Variants in HEPHL1 observed in about 807,000 individuals in gnomAD.
HEPHL1 encodes the protein ferroxidase HEPHL1.
Under a neutral mutation model 122.0 loss-of-function variants are expected in HEPHL1, and 123 were observed. The observed-to-expected ratio is 1.01, with a 90% CI of 0.87 to 1.17. HEPHL1 has a LOEUF of 1.17. Among genes scored for constraint, HEPHL1 ranks in the 50% most tolerant of loss-of-function variants. The probability of loss-of-function intolerance (pLI) is 0.00; values close to 1 mark genes in which losing one functional copy is unlikely to be tolerated. For synonymous variants in HEPHL1, 527 were observed against 508.9 expected (o/e 1.04, Z -0.48); for missense variants, 1,452 against 1,430.5 (o/e 1.01, Z -0.24).
intron 2 of HEPHL1, among the ~76,000 whole-genome samples, chr11:94,048,257 A>G (rs2134417347): frequency 6.6e-6 from 1 of 152,244 alleles, no homozygotes; most frequent in African/African-American, 2.4e-5. Context: ...GGTTGTTTCC[A>G]CATCTTGGCT....
intron 13 of HEPHL1, among the ~76,000 whole-genome samples, chr11:94,094,015 A>ATATATATAT (rs1565360572): frequency 1.3e-5 from 1 of 74,600 alleles, no homozygotes; most frequent in Admixed American, 1.2e-4. Context: ...TATATATATA[A>ATATATATAT]AACTTTAAGT....
At chr11:94,025,564 G>A (rs1565342512) in intron 1 of HEPHL1, among the ~76,000 whole-genome samples, 1 of 152,106 alleles carries the variant, frequency 6.6e-6, no homozygotes, top group Non-Finnish European at 1.5e-5. Context: ...GTGGAACTGC[G>A]CTTGAACATA....
At chr11:94,048,535 A>AT (rs2134417506) in intron 2 of HEPHL1, among the ~76,000 whole-genome samples, 1 of 151,858 alleles carries the variant, frequency 6.6e-6, no homozygotes, top group African/African-American at 2.4e-5. Flanking sequence ...AATTTTTAAA[A>AT]TTTTTTCATA....
At chr11:94,062,643 T>A (rs938812088) in intron 2 of HEPHL1, among the ~76,000 whole-genome samples, 5 of 137,492 alleles carry the variant, frequency 3.6e-5, no homozygotes, top group African/African-American at 1.3e-4. Context: ...ACCATCCAGC[T>A]TTTTTTTTTT....
chr11:94,067,806 C>T, intron 5 of HEPHL1, 56 bp downstream of exon 5: 1 of 1,535,638 alleles, frequency 6.5e-7, no homozygotes, highest in South Asian at 1.1e-5. Flanking sequence ...TCAAACCACA[C>T]AGTCACTAGT....
At position 94,026,109 on chromosome 11, in the gene HEPHL1, A is replaced by G. The variant is rs1195817797; in HGVS notation, c.170+4571A>G. ...ATTTCTGATCCACCATCCTTAGCCT[A>G]TGTGCTTTAAACCCTTTGTGGTTTC... On this transcript the variant is annotated intron_variant, in intron 1 of 19. Transcript: ENST00000315765. Among the ~76,000 whole-genome samples the G allele has an allele frequency of 2.0e-5, 3 of 152,192 alleles. No individual in the cohort carries two copies. The East Asian group carries it at 5.8e-4, about 29-fold the overall frequency.
intron 2 of HEPHL1, among the ~76,000 whole-genome samples, chr11:94,060,736 T>C (rs1292857770): frequency 1.3e-5 from 2 of 152,226 alleles, no homozygotes; most frequent in African/African-American, 4.8e-5. Context: ...CAGGATTGCC[T>C]GAGCCAGACC....
At chr11:94,027,593 TG>T (rs1252981513) in intron 1 of HEPHL1, among the ~76,000 whole-genome samples, 1 of 152,236 alleles carries the variant, frequency 6.6e-6, no homozygotes, top group East Asian at 1.9e-4. Context: ...CTCTTCTCAT[TG>T]AATCCTTATG....
rs1565365602 is a variant in HEPHL1 at position 94,112,827 on chromosome 11, A to G, written c.*933A>G. 1 of 152,222 alleles carries G rather than the reference A, an allele frequency of 6.6e-6. No homozygotes were observed. The highest frequency in any genetic ancestry group is 1.5e-5 in the Non-Finnish European group (1 of 68,036). The allele number at this position is 152,222 out of a possible 1,614,324, so 9.4% of individuals were successfully genotyped here. A position where few individuals can be genotyped will look rare whatever the true frequency, so the allele number is the denominator to read the frequency against. ...GAATTTGGAGTCTGATTTTTCATTCAGTTAGAGGGAATCTTTACAAGTCCT... is the reference window on the plus strand; with the variant it reads ...GAATTTGGAGTCTGATTTTTCATTCGGTTAGAGGGAATCTTTACAAGTCCT... On this transcript the variant is annotated 3_prime_UTR_variant, in exon 20 of 20. Transcript: ENST00000315765.
chr11:94,096,147 G>C (rs967987771), intron 13 of HEPHL1, among the ~76,000 whole-genome samples: 18 of 152,114 alleles, frequency 1.2e-4, no homozygotes, highest in African/African-American at 1.7e-4. Context: ...TATGATATTG[G>C]CTGTCGGTTT....
intron 13 of HEPHL1, among the ~76,000 whole-genome samples, chr11:94,097,802 G>C (rs552643328): frequency 4.1e-4 from 62 of 152,200 alleles, no homozygotes; most frequent in African/African-American, 1.4e-3. Flanking sequence ...GACCTTTGTT[G>C]GTTTAAAGTC....
At chr11:94,033,081 G>T (rs1483636864) in intron 1 of HEPHL1, among the ~76,000 whole-genome samples, 1 of 152,164 alleles carries the variant, frequency 6.6e-6, no homozygotes, top group Non-Finnish European at 1.5e-5. Context: ...CAAGTCAAAA[G>T]GTCAAACTGC....
chr11:94,027,383 C>A (rs1179309036), intron 1 of HEPHL1, among the ~76,000 whole-genome samples: 3 of 152,170 alleles, frequency 2.0e-5, no homozygotes, highest in Admixed American at 6.5e-5. Flanking sequence ...ACAGTGCCTG[C>A]CACTTGAGAG....
chr11:94,047,721 T>C (rs1259967119), intron 2 of HEPHL1, among the ~76,000 whole-genome samples: 6 of 152,160 alleles, frequency 3.9e-5, no homozygotes, highest in African/African-American at 1.4e-4. Flanking sequence ...TAGGGGCATT[T>C]TTAAGTGTAA....
intron 1 of HEPHL1, among the ~76,000 whole-genome samples, chr11:94,031,186 C>T (rs1443370629): frequency 6.6e-6 from 1 of 152,038 alleles, no homozygotes; most frequent in Non-Finnish European, 1.5e-5. Context: ...CCCCCTACAA[C>T]AGTATAAAAG....
chr11:94,089,727 A>G (rs969967229), intron 12 of HEPHL1, among the ~76,000 whole-genome samples: 2 of 152,188 alleles, frequency 1.3e-5, no homozygotes, highest in African/African-American at 4.8e-5. Context: ...CTCCCTCCAC[A>G]GCAACCCACT....
intron 2 of HEPHL1, among the ~76,000 whole-genome samples, chr11:94,058,001 C>A (rs1031058011): frequency 5.3e-5 from 8 of 152,150 alleles, no homozygotes; most frequent in African/African-American, 1.4e-4. Context: ...TAGTGTGTGG[C>A]CACTGAGATG....
rs369967162 is a variant in HEPHL1, at chr11:94,104,578, C to G, written c.2733C>G (p.Val911=). The G allele has an allele frequency of 1.2e-6, 2 of 1,613,786 alleles. No individual in the cohort carries two copies. Among genetic ancestry groups the G allele is most frequent in the Non-Finnish European group, 1.7e-6 (2 of 1,179,822 alleles). Residue 911 remains valine, a synonymous_variant, in exon 16 of 20, where the codon GTC becomes GTG. Transcript: ENST00000315765. ...CTCTGATTACATGCCGAAAAGGAGT[C>G]TTGAATGAAAAGGGAAGAAGAAGTG... ...MGPLITCRKG[V]LNEKGRRSDV...
In HEPHL1 at chr11:94,064,529, C is replaced by G; in HGVS notation, c.808+19C>G. The G allele has an allele frequency of 6.3e-7, 1 of 1,575,596 alleles. No homozygotes were observed. The highest frequency in any genetic ancestry group is 8.7e-7 in the Non-Finnish European group (1 of 1,148,594). On this transcript the variant is annotated intron_variant, in intron 4 of 19. Coordinates refer to ENST00000315765, the MANE Select transcript of HEPHL1 (RefSeq NM_001098672.2). ...ATGCATGGTGAGTACCTCCCATGTTCCCAAACGTATACCAGGCCTTTTATA... is the reference window on the plus strand; with the variant it reads ...ATGCATGGTGAGTACCTCCCATGTTGCCAAACGTATACCAGGCCTTTTATA...
Sources: gnomAD v4.1 joint callset for allele counts (sites outside exome capture counted in the v4.1 genomes callset) on GRCh38, gnomAD v4.1.1 for gene constraint, MANE v1.5 for transcripts, NCBI Gene and HGNC (gene_info 2026-07-23, HGNC 2026-07-21) for gene names.